PTPN2: variants seen among roughly 807,000 people sequenced by gnomAD.
PTPN2 encodes the protein protein tyrosine phosphatase non-receptor type 2, also known as tyrosine-protein phosphatase non-receptor type 2.
In PTPN2, 19 loss-of-function variants were observed where a neutral mutation model predicts 57.3. The ratio of observed to expected loss-of-function variants is 0.33; its 90% confidence interval spans 0.23 to 0.49. PTPN2 has a LOEUF of 0.49. PTPN2 is among the 20% of genes least tolerant of loss of function. The probability of loss-of-function intolerance (pLI) is 0.99; values close to 1 mark genes in which losing one functional copy is unlikely to be tolerated. For synonymous variants in PTPN2, 153 were observed against 164.9 expected (o/e 0.93, Z 0.55); for missense variants, 358 against 501.1 (o/e 0.71, Z 2.73).
chr18:12,826,864 C>T (rs888810688), intron 4 of PTPN2, among the ~76,000 whole-genome samples: 51 of 151,914 alleles, frequency 3.4e-4, no homozygotes, highest in African/African-American at 1.0e-3. Flanking sequence ...CCACCATGTC[C>T]GGTCTTATAA....
At chr18:12,865,849 A>T (rs540574819) in intron 1 of PTPN2, among the ~76,000 whole-genome samples, 3 of 152,234 alleles carry the variant, frequency 2.0e-5, no homozygotes, top group Admixed American at 6.5e-5. Context: ...CTAAAGGTTA[A>T]AATGATGTAG....
chr18:12,870,331 G>A lies in PTPN2; in HGVS notation c.70-11077C>T, dbSNP rs1195830334. On this transcript the variant is annotated intron_variant, in intron 1 of 8. Coordinates refer to ENST00000309660, the MANE Select transcript of PTPN2 (RefSeq NM_002828.4). ...TATACATATATATGTGTATATATATGTATATATATACATATATATGTGTAT... is the reference window on the plus strand; with the variant it reads ...TATACATATATATGTGTATATATATATATATATATACATATATATGTGTAT... Among the ~76,000 whole-genome samples, 9 of 60,936 alleles carry A rather than the reference G, an allele frequency of 1.5e-4. 1 individual carries two copies. Among genetic ancestry groups the A allele is most frequent in the African/African-American group, 2.4e-4 (2 of 8,462 alleles). The allele number at this position is 60,936 out of a possible 152,430, so 40.0% of individuals were successfully genotyped here. A position where few individuals can be genotyped will look rare whatever the true frequency, so the allele number is the denominator to read the frequency against.
rs61631456 is a variant in PTPN2 at position 12,871,996 on chromosome 18, C to G, written c.69+12077G>C. ...TCAGCATGCAGAGGTTGCAGTAAGCCGAGATCGTGCCGTAGCATTCCAGCC... is the reference window on the plus strand; with the variant it reads ...TCAGCATGCAGAGGTTGCAGTAAGCGGAGATCGTGCCGTAGCATTCCAGCC... On this transcript the variant is annotated intron_variant, in intron 1 of 8. Transcript: ENST00000309660. Among the ~76,000 whole-genome samples, 1,330 of 151,114 alleles carry G rather than the reference C, an allele frequency of 8.8e-3. 26 individuals are homozygous for G. Among genetic ancestry groups the G allele is most frequent in the African/African-American group, 0.031 (1,288 of 41,092 alleles).
At chr18:12,831,101 G>C (rs575428623) in intron 3 of PTPN2, 60 bp from the exon 4 acceptor site, 75 of 1,241,050 alleles carry the variant, frequency 6.0e-5, no homozygotes, top group Non-Finnish European at 8.6e-5. Context: ...CAAGGCTCCA[G>C]GAAGGCCTTG....
chr18:12,787,743 CTTG>C (rs1227308311), downstream of PTPN2: 1 of 152,174 alleles, frequency 6.6e-6, no homozygotes, highest in African/African-American at 2.4e-5. Context: ...AATAGATTCA[CTTG>C]AATCAATTTT....
At chr18:12,875,587 A>G (rs2044460868) in intron 1 of PTPN2, among the ~76,000 whole-genome samples, 1 of 152,242 alleles carries the variant, frequency 6.6e-6, no homozygotes, top group African/African-American at 2.4e-5. Context: ...AGAAAAAACT[A>G]CCTTAATGGG....
intron 1 of PTPN2, among the ~76,000 whole-genome samples, chr18:12,865,580 G>C (rs757980515): frequency 6.6e-6 from 1 of 151,896 alleles, no homozygotes; most frequent in Admixed American, 6.6e-5. Flanking sequence ...CTGCTGAGGT[G>C]GGCAGATTGC....
intron 2 of PTPN2, among the ~76,000 whole-genome samples, chr18:12,841,671 T>A (rs2043050696): frequency 6.6e-6 from 1 of 152,226 alleles, no homozygotes; most frequent in South Asian, 2.1e-4. Flanking sequence ...GATTTCAAGA[T>A]CCTAAACTTG....
At chr18:12,824,865 C>A (rs531085320) in intron 5 of PTPN2, among the ~76,000 whole-genome samples, 2 of 151,982 alleles carry the variant, frequency 1.3e-5, no homozygotes, top group Non-Finnish European at 2.9e-5. Flanking sequence ...GTGGGAGGAT[C>A]GCTTGAGCTC....
chr18:12,799,927 G>A (rs974522331), intron 8 of PTPN2, among the ~76,000 whole-genome samples: 1 of 152,078 alleles, frequency 6.6e-6, no homozygotes, highest in East Asian at 1.9e-4. Flanking sequence ...CACCACGCCC[G>A]GCCTCCTCTT....
chr18:12,814,158 T>TCGCC, intron 7 of PTPN2, 45 bp downstream of exon 7: 1 of 1,361,162 alleles, frequency 7.3e-7, no homozygotes, highest in South Asian at 1.3e-5. Context: ...TGATGCTATG[T>TCGCC]GTATTTAACA....
chr18:12,847,294 G>T (rs1218138635), intron 2 of PTPN2, among the ~76,000 whole-genome samples: 21 of 152,182 alleles, frequency 1.4e-4, no homozygotes, highest in Non-Finnish European at 1.5e-5. Flanking sequence ...CAGAGGGTTC[G>T]TTTGTAGGTT....
intron 7 of PTPN2, among the ~76,000 whole-genome samples, chr18:12,812,215 T>C (rs1054911838): frequency 1.3e-5 from 2 of 152,256 alleles, no homozygotes; most frequent in Admixed American, 6.5e-5. Context: ...AAATAGCCTA[T>C]ATGTCTATAG....
chr18:12,843,816 T>G (rs767380167), intron 2 of PTPN2: 14 of 152,400 alleles, frequency 9.2e-5, no homozygotes, highest in Admixed American at 9.2e-4. Flanking sequence ...TTATTTTGAT[T>G]TCTCCAGTTC....
intron 6 of PTPN2, among the ~76,000 whole-genome samples, chr18:12,815,506 G>A (rs1299098019): frequency 6.6e-6 from 1 of 152,122 alleles, no homozygotes; most frequent in Non-Finnish European, 1.5e-5. Flanking sequence ...TAACACTGCT[G>A]AGCTACAGCA....
intron 1 of PTPN2, among the ~76,000 whole-genome samples, chr18:12,859,484 A>G (rs1292379977): frequency 6.6e-6 from 1 of 152,218 alleles, no homozygotes; most frequent in Non-Finnish European, 1.5e-5. Context: ...AAAATCCACC[A>G]AAGATCCCAT....
At chr18:12,820,362 T>C (rs1322177430) in intron 5 of PTPN2, among the ~76,000 whole-genome samples, 1 of 152,128 alleles carries the variant, frequency 6.6e-6, no homozygotes, top group African/African-American at 2.4e-5. Flanking sequence ...AAATCATAAT[T>C]CACAGTTACA....
rs2042641953 is a variant in PTPN2 at position 12,830,822 on chromosome 18, C to T, written c.360+121G>A. 1.1e-5 allele frequency: 7 copies of T among 644,098 alleles called. No individual in the cohort carries two copies. The South Asian group carries it at 1.3e-4, about 12-fold the overall frequency. The allele number at this position is 644,098 out of a possible 1,614,324, so 39.9% of individuals were successfully genotyped here. A position where few individuals can be genotyped will look rare whatever the true frequency, so the allele number is the denominator to read the frequency against. ...TTTTTCCGGACAGAAACACTTTGACCGCTAGCCTTTAGCAATTAAAGGCCA... is the reference window on the plus strand; with the variant it reads ...TTTTTCCGGACAGAAACACTTTGACTGCTAGCCTTTAGCAATTAAAGGCCA... On this transcript the variant is annotated intron_variant, in intron 4 of 8. Coordinates refer to ENST00000309660, the MANE Select transcript of PTPN2 (RefSeq NM_002828.4).
chr18:12,800,080 C>A (rs1455524298), intron 8 of PTPN2, among the ~76,000 whole-genome samples: 2 of 152,138 alleles, frequency 1.3e-5, no homozygotes, highest in Non-Finnish European at 2.9e-5. Context: ...AAAACACCGC[C>A]ACCACATGCG....
Sources: allele counts gnomAD v4.1 joint callset (sites outside exome capture counted in the v4.1 genomes callset), GRCh38; gene constraint gnomAD v4.1.1; transcripts MANE v1.5; gene names NCBI Gene and HGNC (gene_info 2026-07-23, HGNC 2026-07-21).